The following HUNK variants were observed in gnomAD, a reference collection of about 807,000 sequenced individuals.
The protein encoded by HUNK is hormonally up-regulated Neu-associated kinase, also known as hormonally up-regulated neu tumor-associated kinase.
In HUNK, 21 loss-of-function variants were observed where a neutral mutation model predicts 61.0. The observed-to-expected ratio is 0.34, with a 90% CI of 0.24 to 0.50. The LOEUF (loss-of-function observed/expected upper bound fraction) is 0.50. HUNK is among the 20% of genes least tolerant of loss of function. HUNK has a pLI of 0.98. For missense variants in HUNK, 772 were observed against 945.7 expected, an observed-to-expected ratio of 0.82 and a Z score of 2.41; for synonymous variants, 371 against 386.1, an observed-to-expected ratio of 0.96 and a Z score of 0.46.
At chr21:31,890,077 T>C (rs1435778470) in intron 1 of HUNK, among the ~76,000 whole-genome samples, 2 of 152,206 alleles carry the variant, frequency 1.3e-5, no homozygotes, top group African/African-American at 4.8e-5. Flanking sequence ...TATTCCAGAA[T>C]AGTTGAGATT....
intron 3 of HUNK, 62 bp from the exon 4 acceptor site, chr21:31,945,974 C>G (rs2052799405): frequency 5.4e-6 from 8 of 1,491,542 alleles, no homozygotes; most frequent in African/African-American, 1.4e-5. Flanking sequence ...TCCTTTTGTT[C>G]CTCCCTCTTC....
Position 31,958,786 on chromosome 21 carries a change from G to A in HUNK, c.747-57G>A. 3 of 1,506,098 alleles carry A rather than the reference G, an allele frequency of 2.0e-6. No individual in the cohort carries two copies. The South Asian group carries it at 3.8e-5, about 19-fold the overall frequency. The allele number at this position is 1,506,098 out of a possible 1,614,324, so 93.3% of individuals were successfully genotyped here. A position where few individuals can be genotyped will look rare whatever the true frequency, so the allele number is the denominator to read the frequency against. The stretch of plus-strand genomic sequence containing the variant: ...CGCTTCGGTGAAGCCCGTGTCCCCA[G>A]TCTTCCCCTCCCCAGGGGACCTGAC... On this transcript the variant is annotated intron_variant, in intron 4 of 10. Coordinates refer to ENST00000270112, the MANE Select transcript of HUNK (RefSeq NM_014586.2).
chr21:31,938,260 C>A (rs2052745012), intron 2 of HUNK, among the ~76,000 whole-genome samples: 1 of 152,228 alleles, frequency 6.6e-6, no homozygotes, highest in Admixed American at 6.5e-5. Flanking sequence ...TTGGGTCTTT[C>A]CCCCGCACCA....
intron 2 of HUNK, among the ~76,000 whole-genome samples, chr21:31,925,900 G>A (rs1388485897): frequency 1.3e-5 from 2 of 151,172 alleles, no homozygotes. Context: ...TAATTACTCT[G>A]GGTTATTGAG....
intron 5 of HUNK, among the ~76,000 whole-genome samples, chr21:31,962,943 G>C (rs925300396): frequency 6.6e-6 from 1 of 152,156 alleles, no homozygotes; most frequent in Non-Finnish European, 1.5e-5. Context: ...ACCCAGTAGG[G>C]CCCAGAGCAG....
At chr21:31,932,868 C>T (rs1361818306) in intron 2 of HUNK, among the ~76,000 whole-genome samples, 4 of 151,826 alleles carry the variant, frequency 2.6e-5, no homozygotes, top group Non-Finnish European at 5.9e-5. Flanking sequence ...TCCTCACCCC[C>T]AGCACTGTCC....
intron 1 of HUNK, among the ~76,000 whole-genome samples, chr21:31,880,103 T>G (rs2052294961): frequency 6.6e-6 from 1 of 152,150 alleles, no homozygotes; most frequent in Non-Finnish European, 1.5e-5. Context: ...CTGTTCCCTC[T>G]CCTCCATCAC....
intron 1 of HUNK, 101 bp downstream of exon 1, chr21:31,874,036 G>T (rs1303784412): frequency 2.2e-6 from 2 of 895,396 alleles, no homozygotes; most frequent in Non-Finnish European, 3.0e-6. Context: ...GTGCAGTCCC[G>T]GGCCAAGCGC....
chr21:31,970,154 A>C (rs893849470), intron 6 of HUNK, among the ~76,000 whole-genome samples: 26 of 152,174 alleles, frequency 1.7e-4, no homozygotes, highest in Admixed American at 6.5e-5. Flanking sequence ...ATGCCTAGGA[A>C]GGTCTAGAAA....
chr21:31,880,086 G>A (rs2052294842), intron 1 of HUNK, among the ~76,000 whole-genome samples: 2 of 152,292 alleles, frequency 1.3e-5, no homozygotes, highest in Middle Eastern at 3.4e-3. Flanking sequence ...CTGTGAATTC[G>A]AGACAGCTGT....
At chr21:31,969,322 G>C (rs2052993719) in intron 6 of HUNK, among the ~76,000 whole-genome samples, 1 of 152,094 alleles carries the variant, frequency 6.6e-6, no homozygotes, top group Non-Finnish European at 1.5e-5. Flanking sequence ...GTTTATTTCA[G>C]CCCTAAGACC....
intron 7 of HUNK, among the ~76,000 whole-genome samples, chr21:31,979,053 T>C (rs1318488061): frequency 6.6e-6 from 1 of 152,100 alleles, no homozygotes; most frequent in Non-Finnish European, 1.5e-5. Flanking sequence ...TCATTGTAGC[T>C]TTAATTTGCA....
intron 1 of HUNK, among the ~76,000 whole-genome samples, chr21:31,883,584 C>T (rs998120631): frequency 1.3e-5 from 2 of 152,180 alleles, no homozygotes; most frequent in East Asian, 1.9e-4. Flanking sequence ...ATTATTCTTT[C>T]TCTTTTTCTT....
chr21:31,956,261 T>G (rs533442258), intron 4 of HUNK, among the ~76,000 whole-genome samples: 43 of 152,318 alleles, frequency 2.8e-4, no homozygotes, highest in African/African-American at 1.0e-3. Context: ...GAAAGCTTTA[T>G]TTTTGCATAG....
intron 1 of HUNK, among the ~76,000 whole-genome samples, chr21:31,915,875 T>C (rs2052578086): frequency 6.6e-6 from 1 of 152,116 alleles, no homozygotes; most frequent in Non-Finnish European, 1.5e-5. Context: ...TTTAATATGC[T>C]GAAGCCACCG....
At chr21:31,918,080 C>A (rs2052598435) in intron 1 of HUNK, among the ~76,000 whole-genome samples, 1 of 152,162 alleles carries the variant, frequency 6.6e-6, no homozygotes, top group Non-Finnish European at 1.5e-5. Flanking sequence ...AGATGTCTCC[C>A]TTTGCTGATC....
Position 31,998,859 on chromosome 21 carries a change from G to A in HUNK, c.1820G>A (p.Ser607Asn), listed in dbSNP as rs767183005. The part of the protein sequence containing the change: ...RTLSPGLPSG[S>N]MSPLHTPLHP... Reference sequence around the variant, plus strand: ...CTGTCCCCGGGTCTGCCATCCGGAAGCATGTCGCCTCTCCATACTCCTTTG... The same window carrying A: ...CTGTCCCCGGGTCTGCCATCCGGAAACATGTCGCCTCTCCATACTCCTTTG... The change falls in exon 11 of 11, where the codon AGC becomes AAC. Residue 607 changes from serine (S) to asparagine (N), a missense_variant. Around this residue, in one of 2 missense-constraint regions of HUNK, gnomAD observed 413 missense variants for 444.4 expected, o/e 0.93. Transcript: ENST00000270112. The A allele has an allele frequency of 6.8e-6, 11 of 1,614,180 alleles. No individual in the cohort carries two copies. The South Asian group carries it at 9.9e-5, about 15-fold the overall frequency.
intron 2 of HUNK, among the ~76,000 whole-genome samples, chr21:31,926,747 G>A (rs975186327): frequency 1.3e-5 from 2 of 152,206 alleles, no homozygotes; most frequent in East Asian, 3.9e-4. Context: ...CATTTGAGTT[G>A]TTCCCACACT....
chr21:31,953,722 A>G (rs2052868509), intron 4 of HUNK, among the ~76,000 whole-genome samples: 1 of 152,142 alleles, frequency 6.6e-6, no homozygotes, highest in Non-Finnish European at 1.5e-5. Flanking sequence ...GGTAGGTACT[A>G]TTATTATCCA....
Sources: gnomAD v4.1 joint callset for allele counts (sites outside exome capture counted in the v4.1 genomes callset) on GRCh38, gnomAD v4.1.1 for gene constraint, gnomAD v4.1.1 regional missense constraint, MANE v1.5 for transcripts, NCBI Gene and HGNC (gene_info 2026-07-23, HGNC 2026-07-21) for gene names.